Variants in WTIP observed in about 807,000 individuals in gnomAD.
WTIP encodes the protein Wilms tumor protein 1-interacting protein.
A neutral mutation model predicts 41.7 loss-of-function variants in WTIP; 23 were observed. The observed-to-expected ratio is 0.55, with a 90% CI of 0.40 to 0.78. The LOEUF is 0.78. WTIP is among the 30% of genes least tolerant of loss of function. WTIP has a pLI of 0.00. For synonymous variants in WTIP, 314 were observed against 269.9 expected, an observed-to-expected ratio of 1.16 and a Z score of -1.60; for missense variants, 619 against 610.5, an observed-to-expected ratio of 1.01 and a Z score of -0.15.
At chr19:34,490,866 C>T (rs191956292) in intron 2 of WTIP, among the ~76,000 whole-genome samples, 28 of 152,288 alleles carry the variant, frequency 1.8e-4, no homozygotes, top group East Asian at 3.9e-4. Context: ...CTGTTGCCCA[C>T]GCTGGAGTGC....
At chr19:34,490,548 G>A in intron 2 of WTIP, 71 bp downstream of exon 2, 2 of 1,467,452 alleles carry the variant, frequency 1.4e-6, no homozygotes, top group Non-Finnish European at 9.5e-7. Context: ...CCCTCAAACT[G>A]CCTTGCCCCT....
rs533322463 is a variant in WTIP at position 34,489,246 on chromosome 19, C to T, written c.668-1130C>T. ...ATCCTGCATCTAACGCCGTAGCACT[C>T]GTCTCTGCCTGACGTTATTTGACTG... On this transcript the variant is annotated intron_variant, in intron 1 of 7. Coordinates refer to ENST00000590071, the MANE Select transcript of WTIP (RefSeq NM_001080436.2). Among the ~76,000 whole-genome samples, 10 of 147,932 alleles carry T rather than the reference C, an allele frequency of 6.8e-5. No homozygotes were observed. The East Asian group carries it at 1.6e-3, about 23-fold the overall frequency.
chr19:34,497,398 A>C (rs895329428), intron 7 of WTIP, among the ~76,000 whole-genome samples: 3 of 152,030 alleles, frequency 2.0e-5, no homozygotes, highest in Non-Finnish European at 4.4e-5. Flanking sequence ...CTCGTTGTTA[A>C]AGGTGGGAGG....
chr19:34,502,924 C>T lies in WTIP; in HGVS notation c.*2655C>T, dbSNP rs2075895211. On this transcript the variant is annotated 3_prime_UTR_variant, in exon 8 of 8. Transcript: ENST00000590071. ...GAACTGTCCTCTCTGCTTCCTCCCTCAAACCTGCTTTGAGCCGGGTTTCTC... is the reference window on the plus strand; with the variant it reads ...GAACTGTCCTCTCTGCTTCCTCCCTTAAACCTGCTTTGAGCCGGGTTTCTC... 1 of 152,434 alleles carries T rather than the reference C, an allele frequency of 6.6e-6. No individual in the cohort carries two copies. Among genetic ancestry groups the T allele is most frequent in the Non-Finnish European group, 1.5e-5 (1 of 68,202 alleles). 9.4% of individuals were successfully genotyped at this position (152,434 alleles called of 1,614,324 possible).
chr19:34,496,052 GAGGCTGAGGT>G (rs1212672538), intron 7 of WTIP, among the ~76,000 whole-genome samples: 2 of 152,306 alleles, frequency 1.3e-5, no homozygotes, highest in African/African-American at 4.8e-5. Flanking sequence ...AGCTACTCAG[GAGGCTGAGGT>G]AGGAGAATCG....
rs1272161428 is a variant in WTIP at position 34,493,410 on chromosome 19, C to T, written c.901-82C>T. The stretch of plus-strand genomic sequence containing the variant: ...ACCGTCTCCCCTGCTCCAGACCTGC[C>T]AGGGGTTCAGGGCCAGAGCCTCTCC... On this transcript the variant is annotated intron_variant, in intron 4 of 7. Transcript: ENST00000590071. The surrounding 1 kb of genome is among the most constrained non-coding windows in gnomAD (Gnocchi z 4.1). 9 of 1,594,520 alleles carry T rather than the reference C, an allele frequency of 5.6e-6. No homozygotes were observed. The highest frequency in any genetic ancestry group is 7.7e-6 in the Non-Finnish European group (9 of 1,171,270).
At chr19:34,495,793 G>A in intron 7 of WTIP, 22 bp downstream of exon 7, 1 of 1,612,388 alleles carries the variant, frequency 6.2e-7, no homozygotes, top group Non-Finnish European at 8.5e-7. Context: ...CCCACAGGAG[G>A]CTGGCAGCTG....
rs2075916455 is a variant in WTIP, at chr19:34,507,350, T to C, written c.*7081T>C. 6.7e-6 allele frequency: 1 copy of C among 148,692 alleles called. No homozygotes were observed. The highest frequency in any genetic ancestry group is 6.8e-5 in the Admixed American group (1 of 14,652). The allele number at this position is 148,692 out of a possible 1,614,324, so 9.2% of individuals were successfully genotyped here. A position where few individuals can be genotyped will look rare whatever the true frequency, so the allele number is the denominator to read the frequency against. On this transcript the variant is annotated 3_prime_UTR_variant, in exon 8 of 8. Coordinates refer to ENST00000590071, the MANE Select transcript of WTIP (RefSeq NM_001080436.2). Reference sequence around the variant, plus strand: ...TGTGAATATCAGAACAGGATTCTTATAACAAAAGCAGTTGTCTTAAGATGA... The same window carrying C: ...TGTGAATATCAGAACAGGATTCTTACAACAAAAGCAGTTGTCTTAAGATGA...
chr19:34,483,006 C>CTTTTTTTTTTTTTTTTCTTCTT (rs1307348148), intron 1 of WTIP, among the ~76,000 whole-genome samples: 2 of 123,038 alleles, frequency 1.6e-5, no homozygotes, highest in African/African-American at 6.3e-5. Flanking sequence ...TTTCTTTCTT[C>CTTTTTTTTTTTTTTTTCTTCTT]TTTTTTTTTT....
In WTIP at chr19:34,506,740, A is replaced by C. The variant is rs2075912903; in HGVS notation, c.*6471A>C. On this transcript the variant is annotated 3_prime_UTR_variant, in exon 8 of 8. Transcript: ENST00000590071. Reference sequence around the variant, plus strand: ...ACACCACTGCACTCCAGCCTGGGTGACAGAGCTAGACGCTATCTCAAAAAT... The same window carrying C: ...ACACCACTGCACTCCAGCCTGGGTGCCAGAGCTAGACGCTATCTCAAAAAT... The C allele has an allele frequency of 6.6e-6, 1 of 151,768 alleles. No homozygotes were observed. The highest frequency in any genetic ancestry group is 2.4e-5 in the African/African-American group (1 of 41,066). The allele number at this position is 151,768 out of a possible 1,614,324, so 9.4% of individuals were successfully genotyped here.
rs1160373215 is a variant in WTIP, at chr19:34,511,472, A to T, written c.*11203A>T. The T allele has an allele frequency of 7.1e-6, 1 of 141,664 alleles. No individual in the cohort carries two copies. The highest frequency in any genetic ancestry group is 1.5e-5 in the Non-Finnish European group (1 of 67,968). 8.8% of individuals were successfully genotyped at this position (141,664 alleles called of 1,614,324 possible). A position where few individuals can be genotyped will look rare whatever the true frequency, so the allele number is the denominator to read the frequency against. ...ACCGTATCAGACCCCGTCTCTACAA[A>T]AACAAAAACAAAATAAAAAAAAGTA... On this transcript the variant is annotated 3_prime_UTR_variant, in exon 8 of 8. Transcript: ENST00000590071.
intron 7 of WTIP, among the ~76,000 whole-genome samples, chr19:34,496,138 CAAGAGTG>C: frequency 6.6e-6 from 1 of 152,142 alleles, no homozygotes; most frequent in South Asian, 2.1e-4. Flanking sequence ...GCCTGGGCAA[CAAGAGTG>C]AGACTCTGTC....
Position 34,509,659 on chromosome 19 carries a change from C to G in WTIP, c.*9390C>G, listed in dbSNP as rs2075926153. Reference sequence around the variant, plus strand: ...ATTCTTAACTCATTTCAGCATTAACCCAAATCCAGAGTCCAAAGTCTAATC... The same window carrying G: ...ATTCTTAACTCATTTCAGCATTAACGCAAATCCAGAGTCCAAAGTCTAATC... On this transcript the variant is annotated 3_prime_UTR_variant, in exon 8 of 8. Transcript: ENST00000590071. 1 of 152,186 alleles carries G rather than the reference C, an allele frequency of 6.6e-6. No homozygotes were observed. Among genetic ancestry groups the G allele is most frequent in the East Asian group, 1.9e-4 (1 of 5,204 alleles). 9.4% of individuals were successfully genotyped at this position (152,186 alleles called of 1,614,324 possible). A position where few individuals can be genotyped will look rare whatever the true frequency, so the allele number is the denominator to read the frequency against.
chr19:34,485,404 T>C (rs2075792260), intron 1 of WTIP, among the ~76,000 whole-genome samples: 1 of 152,288 alleles, frequency 6.6e-6, no homozygotes, highest in African/African-American at 2.4e-5. Context: ...TTTTAAAAAA[T>C]ATGGGCAACT....
chr19:34,506,436 G>T lies in WTIP; in HGVS notation c.*6167G>T, dbSNP rs1179108224. 6.6e-6 allele frequency: 1 copy of T among 152,146 alleles called. No individual in the cohort carries two copies. Among genetic ancestry groups the T allele is most frequent in the African/African-American group, 2.4e-5 (1 of 41,416 alleles). The allele number at this position is 152,146 out of a possible 1,614,324, so 9.4% of individuals were successfully genotyped here. On this transcript the variant is annotated 3_prime_UTR_variant, in exon 8 of 8. Coordinates refer to ENST00000590071, the MANE Select transcript of WTIP (RefSeq NM_001080436.2). Reference sequence around the variant, plus strand: ...TATTTACTCTGGAAAGCCTTGTCTCGTGTTTTAGAGCTTGTAGGGTTTAAT... The same window carrying T: ...TATTTACTCTGGAAAGCCTTGTCTCTTGTTTTAGAGCTTGTAGGGTTTAAT...
chr19:34,495,672 C>T (rs1019432141), intron 6 of WTIP, 31 bp from the exon 7 acceptor site: 3 of 1,612,312 alleles, frequency 1.9e-6, no homozygotes, highest in African/African-American at 2.7e-5. Context: ...CCCACATGCT[C>T]ATCGTGTGTG....
chr19:34,490,772 A>G (rs558245107), intron 2 of WTIP, among the ~76,000 whole-genome samples: 1 of 152,264 alleles, frequency 6.6e-6, no homozygotes, highest in Non-Finnish European at 1.5e-5. Context: ...CCCATGAAGG[A>G]CCTTCTGCCT....
Position 34,493,356 on chromosome 19 carries a change from C to T in WTIP, c.900+31C>T, listed in dbSNP as rs759784520. 1.2e-6 allele frequency: 2 copies of T among 1,605,984 alleles called. No homozygotes were observed. Among genetic ancestry groups the T allele is most frequent in the South Asian group, 1.1e-5 (1 of 89,940 alleles). On this transcript the variant is annotated intron_variant, in intron 4 of 7. Coordinates refer to ENST00000590071, the MANE Select transcript of WTIP (RefSeq NM_001080436.2). This position sits in a 1 kb window ranked among gnomAD's most constrained non-coding sequence, Gnocchi z 4.1. ...CCCCTGCCCCAGCCTCCTGGAGCCC[C>T]TCTGACGTGGGTGGAGTCTGAGGAC...
rs778291432 is a variant in WTIP, at chr19:34,493,476, T to C, written c.901-16T>C. 3 of 1,613,028 alleles carry C rather than the reference T, an allele frequency of 1.9e-6. No individual in the cohort carries two copies. Among genetic ancestry groups the C allele is most frequent in the Admixed American group, 3.3e-5 (2 of 59,946 alleles). On this transcript the variant is annotated splice_polypyrimidine_tract_variant and intron_variant, in intron 4 of 7. Coordinates refer to ENST00000590071, the MANE Select transcript of WTIP (RefSeq NM_001080436.2). This position sits in a 1 kb window ranked among gnomAD's most constrained non-coding sequence, Gnocchi z 4.1. ...CCTCCTGCCCGCGCTGACCCCTCAG[T>C]GTGCCCCGCCCACAGATCCTGCAGG...
Sources: allele counts gnomAD v4.1 joint callset (sites outside exome capture counted in the v4.1 genomes callset), GRCh38; gene constraint gnomAD v4.1.1; non-coding constraint Gnocchi (gnomAD v3.1); transcripts MANE v1.5; gene names NCBI Gene and HGNC (gene_info 2026-07-23, HGNC 2026-07-21).